SLC8A3: variants seen among roughly 807,000 people sequenced by gnomAD.
The protein encoded by SLC8A3 is solute carrier family 8 member A3, also known as sodium/calcium exchanger 3.
A neutral mutation model predicts 65.4 loss-of-function variants in SLC8A3; 37 were observed. That is an observed-to-expected ratio of 0.57 (90% CI 0.44 to 0.74). The LOEUF is 0.74. Ranked by LOEUF, SLC8A3 falls within the 30% of genes least tolerant of loss-of-function variation. The pLI, the probability that SLC8A3 is intolerant of heterozygous loss-of-function variation, is 0.00. For missense variants in SLC8A3, 1,112 were observed against 1,172.1 expected, an observed-to-expected ratio of 0.95 and a Z score of 0.75; for synonymous variants, 461 against 444.5, an observed-to-expected ratio of 1.04 and a Z score of -0.47.
intron 3 of SLC8A3, chr14:70,060,625 A>T: frequency 1.4e-6 from 1 of 707,138 alleles, no homozygotes; most frequent in Non-Finnish European, 2.6e-6. Flanking sequence ...TAAGGCTAAG[A>T]AGGCAGAGAT....
In SLC8A3 at chr14:70,046,047, C is replaced by T. The variant is rs372909057; in HGVS notation, c.2666G>A (p.Arg889His). Residue 889 changes from arginine to histidine, a missense_variant, in exon 7 of 7, where the codon CGT (arginine) becomes CAT (histidine). By Grantham distance (29) the Arg-to-His change is conservative. Transcript: ENST00000356921. This position sits in a 1 kb window ranked among gnomAD's most constrained non-coding sequence, Gnocchi z 4.2. ...CCATGTTGTGGCGAGCTTGCAGCCACGGGGGCCACCAAGCTCCCCTCCCAG... is the reference window on the plus strand; with the variant it reads ...CCATGTTGTGGCGAGCTTGCAGCCATGGGGGCCACCAAGCTCCCCTCCCAG... Reference protein sequence around the residue: ...PHLGGELGGPRGCKLATTWLF... With the variant: ...PHLGGELGGPHGCKLATTWLF... 7 of 1,613,896 alleles carry T rather than the reference C, an allele frequency of 4.3e-6. No homozygotes were observed. Among genetic ancestry groups the T allele is most frequent in the Admixed American group, 3.3e-5 (2 of 60,000 alleles).
intron 2 of SLC8A3, among the ~76,000 whole-genome samples, chr14:70,073,750 G>T (rs1343747148): frequency 6.6e-6 from 1 of 152,172 alleles, no homozygotes; most frequent in African/African-American, 2.4e-5. Context: ...AGAGAAGTTT[G>T]TATTGTATAC....
At chr14:70,187,025 CT>C in intron 1 of SLC8A3, 1 of 152,398 alleles carries the variant, frequency 6.6e-6, no homozygotes, top group Non-Finnish European at 1.5e-5. Context: ...GGAGGCTTCC[CT>C]TTTGGTGCCC....
chr14:70,101,815 C>A (rs987774396), intron 2 of SLC8A3, among the ~76,000 whole-genome samples: 2 of 152,322 alleles, frequency 1.3e-5, no homozygotes, highest in South Asian at 2.1e-4. Context: ...AATTGTCCAG[C>A]CTTTTCTCTG....
At chr14:70,054,580 G>A (rs1217399238) in intron 3 of SLC8A3, among the ~76,000 whole-genome samples, 1 of 152,140 alleles carries the variant, frequency 6.6e-6, no homozygotes, top group African/African-American at 2.4e-5. Flanking sequence ...AAGAGGATGA[G>A]TGAAGTAGAG....
intron 2 of SLC8A3, among the ~76,000 whole-genome samples, chr14:70,092,813 C>A (rs1166148386): frequency 6.6e-6 from 1 of 152,188 alleles, no homozygotes; most frequent in Non-Finnish European, 1.5e-5. Context: ...ATCCCTGGAA[C>A]TTTCTTTCTC....
rs999244571 is a variant in SLC8A3, at chr14:70,168,426, CG to C, written c.-5del. The C allele has an allele frequency of 6.2e-7, 1 of 1,608,836 alleles. No homozygotes were observed. The highest frequency in any genetic ancestry group is 1.3e-5 in the African/African-American group (1 of 74,958). On this transcript the variant is annotated 5_prime_UTR_variant, in exon 2 of 7. Transcript: ENST00000356921. ...GCTGCAACCTTAACCACGCCATACA[CG>C]AGACTTAGCCACTGGCTTCTATTGC...
Position 70,168,491 on chromosome 14 carries a change from A to G in SLC8A3, c.-62-7T>C. The G allele has an allele frequency of 7.7e-7, 1 of 1,303,770 alleles. No homozygotes were observed. The allele number at this position is 1,303,770 out of a possible 1,614,324, so 80.8% of individuals were successfully genotyped here. A position where few individuals can be genotyped will look rare whatever the true frequency, so the allele number is the denominator to read the frequency against. On this transcript the variant is annotated splice_region_variant and splice_polypyrimidine_tract_variant and intron_variant, in intron 1 of 6. Coordinates refer to ENST00000356921, the MANE Select transcript of SLC8A3 (RefSeq NM_182932.3). ...CTCCTGATAGGCCAGAGACCTAGAA[A>G]AGATCAGAGAGGCAGGAAAAGGCAT...
intron 2 of SLC8A3, among the ~76,000 whole-genome samples, chr14:70,142,441 T>C (rs1482125995): frequency 1.3e-5 from 2 of 152,184 alleles, no homozygotes; most frequent in Non-Finnish European, 2.9e-5. Context: ...CCATACAACT[T>C]TGCAAATTTG....
At chr14:70,170,101 T>A (rs1897423660) in intron 1 of SLC8A3, among the ~76,000 whole-genome samples, 1 of 152,194 alleles carries the variant, frequency 6.6e-6, no homozygotes, top group African/African-American at 2.4e-5. Flanking sequence ...TAATCTTTTT[T>A]TAAAAAAACA....
At chr14:70,132,047 T>C (rs1894871634) in intron 2 of SLC8A3, among the ~76,000 whole-genome samples, 1 of 152,232 alleles carries the variant, frequency 6.6e-6, no homozygotes, top group African/African-American at 2.4e-5. Context: ...CAGACCAGCA[T>C]GGCTGACTTA....
At chr14:70,080,090 C>G in intron 2 of SLC8A3, 1 of 985,566 alleles carries the variant, frequency 1.0e-6, no homozygotes, top group Non-Finnish European at 1.2e-6. Flanking sequence ...TTTCCTTCCC[C>G]TCTTTCCTTG....
At chr14:70,179,052 A>T (rs1204070834) in intron 1 of SLC8A3, among the ~76,000 whole-genome samples, 1 of 152,136 alleles carries the variant, frequency 6.6e-6, no homozygotes, top group African/African-American at 2.4e-5. Context: ...AACTCAGATG[A>T]AATACTTTGA....
At chr14:70,047,222 G>T (rs1452134756) in intron 6 of SLC8A3, 1 of 152,142 alleles carries the variant, frequency 6.6e-6, no homozygotes, top group Non-Finnish European at 1.5e-5. Flanking sequence ...GATGCCCAAA[G>T]GTATCTGCCT....
At chr14:70,056,553 T>C (rs1298162384) in intron 3 of SLC8A3, among the ~76,000 whole-genome samples, 1 of 152,218 alleles carries the variant, frequency 6.6e-6, no homozygotes, top group African/African-American at 2.4e-5. Flanking sequence ...GCTCCTCCCA[T>C]TTTGTATCAC....
chr14:70,054,490 A>C (rs1461048827), intron 3 of SLC8A3, among the ~76,000 whole-genome samples: 1 of 149,648 alleles, frequency 6.7e-6, no homozygotes, highest in African/African-American at 2.5e-5. Flanking sequence ...TTAAATCACA[A>C]TCTTTGTTAT....
At chr14:70,074,939 G>GA (rs1172275651) in intron 2 of SLC8A3, among the ~76,000 whole-genome samples, 1 of 152,140 alleles carries the variant, frequency 6.6e-6, no homozygotes, top group Non-Finnish European at 1.5e-5. Flanking sequence ...GTAATAGAGA[G>GA]AATGACAGTA....
At chr14:70,110,775 G>T (rs1443760297) in intron 2 of SLC8A3, among the ~76,000 whole-genome samples, 4 of 146,850 alleles carry the variant, frequency 2.7e-5, no homozygotes, top group Non-Finnish European at 5.9e-5. Context: ...ACGCCTCCCA[G>T]GTTCATGCCA....
intron 2 of SLC8A3, among the ~76,000 whole-genome samples, chr14:70,098,315 A>T (rs201432386): frequency 7.2e-6 from 1 of 138,666 alleles, no homozygotes; most frequent in East Asian, 2.1e-4. Flanking sequence ...TTTAAAAAAA[A>T]CCCTCTGCCT....
Sources: gnomAD v4.1 joint callset for allele counts (sites outside exome capture counted in the v4.1 genomes callset) on GRCh38, gnomAD v4.1.1 for gene constraint, Gnocchi (gnomAD v3.1) non-coding constraint, MANE v1.5 for transcripts, NCBI Gene and HGNC (gene_info 2026-07-23, HGNC 2026-07-21) for gene names.